NAA11: variants seen among roughly 807,000 people sequenced by gnomAD.
NAA11 encodes N-alpha-acetyltransferase 11.
Under a neutral mutation model 16.1 loss-of-function variants are expected in NAA11, and 15 were observed. That is an observed-to-expected ratio of 0.93 (90% CI 0.62 to 1.44). NAA11 has a LOEUF of 1.44. NAA11 is among the 40% of genes most tolerant of loss of function. NAA11 has a pLI of 0.00. For synonymous variants in NAA11, 122 were observed against 112.4 expected (o/e 1.09, Z -0.54); for missense variants, 298 against 291.3 (o/e 1.02, Z -0.17).
the NAA11 span, among the ~76,000 whole-genome samples, chr4:79,209,003 A>G: frequency 6.7e-6 from 1 of 150,070 alleles, no homozygotes; most frequent in Non-Finnish European, 1.5e-5. Flanking sequence ...AGGCTTGCAT[A>G]ATTTTTTTCT....
intron 2 of NAA11, among the ~76,000 whole-genome samples, chr4:79,290,860 A>T (rs1037021599): frequency 2.0e-5 from 3 of 152,228 alleles, no homozygotes; most frequent in Non-Finnish European, 2.9e-5. Flanking sequence ...TGAAAATGAG[A>T]CAAAACTGAA....
intron 2 of NAA11, among the ~76,000 whole-genome samples, chr4:79,229,497 A>C (rs970077131): frequency 1.3e-5 from 2 of 151,996 alleles, no homozygotes; most frequent in Non-Finnish European, 2.9e-5. Context: ...GCTCAACATC[A>C]TCTTAGATAC....
intron 2 of NAA11, among the ~76,000 whole-genome samples, chr4:79,256,556 A>G (rs1722109643): frequency 6.6e-6 from 1 of 151,344 alleles, no homozygotes; most frequent in Non-Finnish European, 1.5e-5. Flanking sequence ...GTTAGCAGCT[A>G]TTGATGCTCA....
intron 2 of NAA11, among the ~76,000 whole-genome samples, chr4:79,238,744 T>C (rs912310872): frequency 6.6e-6 from 1 of 152,190 alleles, no homozygotes; most frequent in African/African-American, 2.4e-5. Flanking sequence ...TGTTCAGTCA[T>C]AAGAGATGTC....
At chr4:79,295,022 G>A (rs1723178242) in intron 1 of NAA11, among the ~76,000 whole-genome samples, 1 of 152,160 alleles carries the variant, frequency 6.6e-6, no homozygotes, top group African/African-American at 2.4e-5. Context: ...GCTACTTTGA[G>A]AATTATTTTT....
chr4:79,188,894 A>G, the NAA11 span, among the ~76,000 whole-genome samples: 4 of 152,004 alleles, frequency 2.6e-5, no homozygotes, highest in Admixed American at 2.6e-4. Flanking sequence ...GCCAAGTCAG[A>G]CCCTGCCCTG....
rs59261096 is a variant in NAA11, at chr4:79,303,076, TTATATA to T, written c.*13-8968_*13-8963del. Among the ~76,000 whole-genome samples, 505 of 67,468 alleles carry T rather than the reference TTATATA, an allele frequency of 7.5e-3. 5 individuals carry two copies. The highest frequency in any genetic ancestry group is 0.014 in the Middle Eastern group (1 of 72). The allele number at this position is 67,468 out of a possible 152,430, so 44.3% of individuals were successfully genotyped here. ...TTCATTCCTGTTCTCTTGAGGCCTT[TTATATA>T]TATATATATATATATATATATATAT... On this transcript the variant is annotated intron_variant and NMD_transcript_variant, in intron 1 of 2. Transcript: ENST00000511542.
the NAA11 span, among the ~76,000 whole-genome samples, chr4:79,189,145 C>CAGAAAAAAAAAAAAAA: frequency 2.4e-5 from 1 of 42,282 alleles, no homozygotes; most frequent in Non-Finnish European, 4.8e-5. Context: ...GACTCCATCT[C>CAGAAAAAAAAAAAAAA]AAAAAAAAAA....
intron 2 of NAA11, among the ~76,000 whole-genome samples, chr4:79,270,185 G>A (rs937875959): frequency 1.4e-4 from 21 of 151,078 alleles, no homozygotes; most frequent in African/African-American, 4.6e-4. Context: ...TTGGCGATGC[G>A]GGCTCTTTTT....
intron 1 of NAA11, among the ~76,000 whole-genome samples, chr4:79,300,778 T>C (rs1467434551): frequency 6.6e-6 from 1 of 152,128 alleles, no homozygotes; most frequent in Admixed American, 6.5e-5. Flanking sequence ...AGGGAAAGAA[T>C]GAGCAGAACA....
the NAA11 span, among the ~76,000 whole-genome samples, chr4:79,195,328 T>C: frequency 1.2e-4 from 18 of 152,118 alleles, no homozygotes; most frequent in Admixed American, 1.3e-4. Flanking sequence ...TGTATTTAAT[T>C]CTCTAAACTC....
intron 1 of NAA11, among the ~76,000 whole-genome samples, chr4:79,310,415 C>G (rs935170005): frequency 5.9e-5 from 9 of 152,204 alleles, no homozygotes; most frequent in Non-Finnish European, 1.3e-4. Context: ...CAACCTTATA[C>G]TTACACCTAT....
the NAA11 span, among the ~76,000 whole-genome samples, chr4:79,204,008 A>T: frequency 2.6e-5 from 4 of 151,878 alleles, no homozygotes; most frequent in African/African-American, 9.7e-5. Flanking sequence ...AATAATATTC[A>T]TTTTTGTGAG....
chr4:79,194,995 A>G, the NAA11 span, among the ~76,000 whole-genome samples: 3 of 152,102 alleles, frequency 2.0e-5, no homozygotes, highest in Admixed American at 6.6e-5. Flanking sequence ...GAGAGGCTCA[A>G]ATCTTCAAGA....
At chr4:79,296,295 G>C (rs1723219230) in intron 1 of NAA11, among the ~76,000 whole-genome samples, 1 of 152,172 alleles carries the variant, frequency 6.6e-6, no homozygotes, top group Admixed American at 6.5e-5. Context: ...AACTTGTCCA[G>C]AGTTACACAG....
chr4:79,198,621 C>G, the NAA11 span, among the ~76,000 whole-genome samples: 1 of 151,862 alleles, frequency 6.6e-6, no homozygotes, highest in African/African-American at 2.4e-5. Context: ...AAAGAGGAGA[C>G]AGTGTAGAAT....
intron 2 of NAA11, among the ~76,000 whole-genome samples, chr4:79,264,349 A>C (rs1305458107): frequency 1.3e-5 from 2 of 152,174 alleles, no homozygotes; most frequent in African/African-American, 4.8e-5. Context: ...TTTTTTAAAA[A>C]TTTGTATCAT....
chr4:79,226,305 G>T (rs1337195950), intron 2 of NAA11: 1 of 151,982 alleles, frequency 6.6e-6, no homozygotes, highest in Non-Finnish European at 1.5e-5. Flanking sequence ...TTGAGGTCAA[G>T]GACTTTCCTT....
intron 2 of NAA11, among the ~76,000 whole-genome samples, chr4:79,279,952 A>G (rs1448880046): frequency 6.6e-6 from 1 of 151,964 alleles, no homozygotes; most frequent in Non-Finnish European, 1.5e-5. Context: ...AGATGTGTCT[A>G]TTTCCCCTCA....
Sources: gnomAD v4.1 joint callset for allele counts (sites outside exome capture counted in the v4.1 genomes callset) on GRCh38, gnomAD v4.1.1 for gene constraint, MANE v1.5 for transcripts, NCBI Gene and HGNC (gene_info 2026-07-23, HGNC 2026-07-21) for gene names.